The following MMP20 variants were observed in gnomAD, a reference collection of about 807,000 sequenced individuals.
MMP20 encodes the protein matrix metallopeptidase 20, also known as matrix metalloproteinase-20.
Under a neutral mutation model 51.8 loss-of-function variants are expected in MMP20, and 50 were observed. The observed-to-expected ratio is 0.97, with a 90% CI of 0.77 to 1.22. MMP20 has a LOEUF of 1.22. MMP20 is among the 50% of genes most tolerant of loss of function. The pLI, the probability that MMP20 is intolerant of heterozygous loss-of-function variation, is 0.00. For missense variants in MMP20, 663 were observed against 601.4 expected (o/e 1.10, Z -1.07); for synonymous variants, 244 against 216.2 (o/e 1.13, Z -1.13).
intron 7 of MMP20, 40 bp from the exon 8 acceptor site, chr11:102,593,635 C>G: frequency 6.2e-7 from 1 of 1,607,630 alleles, no homozygotes; most frequent in East Asian, 2.2e-5. Flanking sequence ...CTCTGCACCA[C>G]TTGGTGATGC....
intron 9 of MMP20, 119 bp downstream of exon 9, chr11:102,578,920 A>G: frequency 1.3e-6 from 1 of 755,814 alleles, no homozygotes; most frequent in Non-Finnish European, 2.4e-6. Flanking sequence ...GAAAGGACCT[A>G]AGACCAAATA....
chr11:102,579,620 G>A (rs1299908313), intron 8 of MMP20, among the ~76,000 whole-genome samples: 3 of 152,116 alleles, frequency 2.0e-5, no homozygotes, highest in Admixed American at 2.0e-4. Context: ...GGCCCTTGTT[G>A]TTTAAATCGG....
At chr11:102,578,509 C>T (rs1343370421) in intron 9 of MMP20, among the ~76,000 whole-genome samples, 1 of 152,110 alleles carries the variant, frequency 6.6e-6, no homozygotes, top group African/African-American at 2.4e-5. Flanking sequence ...GCTGACTAAT[C>T]GATTGAAGCT....
At position 102,616,810 on chromosome 11, in the gene MMP20, A is replaced by G; in HGVS notation, c.374+2T>C. On this transcript the variant is annotated splice_donor_variant, in intron 2 of 9. Transcript: ENST00000260228. LOFTEE classifies it high-confidence loss of function. ...GAATTTGGAAAGACTTGATCTCATTACCTGTATGTCAAAGTATTTTTTTTC... is the reference window on the plus strand; with the variant it reads ...GAATTTGGAAAGACTTGATCTCATTGCCTGTATGTCAAAGTATTTTTTTTC... 1.9e-6 allele frequency: 3 copies of G among 1,614,166 alleles called. No individual in the cohort carries two copies. Among genetic ancestry groups the G allele is most frequent in the Non-Finnish European group, 2.5e-6 (3 of 1,180,012 alleles).
chr11:102,624,663 A>G (rs2135951624), intron 1 of MMP20, among the ~76,000 whole-genome samples: 1 of 152,172 alleles, frequency 6.6e-6, no homozygotes, highest in African/African-American at 2.4e-5. Flanking sequence ...CTTTAGGGAG[A>G]AAAGGCCTTC....
chr11:102,595,460 T>C (rs1323976011), intron 6 of MMP20, among the ~76,000 whole-genome samples: 1 of 152,256 alleles, frequency 6.6e-6, no homozygotes, highest in Non-Finnish European at 1.5e-5. Context: ...CCTTTTCTGA[T>C]CTTTTAAAAG....
chr11:102,594,904 T>A, intron 6 of MMP20, 147 bp from the exon 7 acceptor site: 4 of 849,508 alleles, frequency 4.7e-6, no homozygotes, highest in Non-Finnish European at 6.5e-6. Context: ...TTTTTTTCTC[T>A]TTTCTTTTTT....
At chr11:102,586,609 C>G (rs890670239) in intron 8 of MMP20, among the ~76,000 whole-genome samples, 1 of 151,900 alleles carries the variant, frequency 6.6e-6, no homozygotes, top group African/African-American at 2.4e-5. Context: ...GTCAGGAGAT[C>G]GAGACCATCC....
chr11:102,624,351 T>C (rs1210622646), intron 1 of MMP20, among the ~76,000 whole-genome samples: 2 of 147,834 alleles, frequency 1.4e-5, no homozygotes. Context: ...CATCCATTTC[T>C]TTAGGTTAAG....
chr11:102,592,652 C>G (rs1199381282), intron 8 of MMP20, among the ~76,000 whole-genome samples: 2 of 152,202 alleles, frequency 1.3e-5, no homozygotes. Context: ...CCTAAGGTGT[C>G]TAGCATTGTC....
At chr11:102,618,267 G>A (rs756547234) in intron 1 of MMP20, among the ~76,000 whole-genome samples, 3 of 151,730 alleles carry the variant, frequency 2.0e-5, no homozygotes, top group Non-Finnish European at 4.4e-5. Context: ...TGGATACAGA[G>A]CACTGATTGT....
intron 1 of MMP20, among the ~76,000 whole-genome samples, chr11:102,624,501 T>C (rs569750287): frequency 1.3e-5 from 2 of 149,744 alleles, no homozygotes; most frequent in East Asian, 3.9e-4. Context: ...ATATGGATCA[T>C]TTCTATCAGA....
rs767412802 is a variant in MMP20 at position 102,610,007 on chromosome 11, C to A, written c.547G>T (p.Asp183Tyr). ...TGGGCTAGAGTCCCCCGAGGCCCAT[C>A]GAATGGATAGGAATCCCCGTGATCT... ...NGDHGDSYPF[D>Y]GPRGTLAHAF... Residue 183 changes from aspartate (D) to tyrosine (Y), a missense_variant, in exon 4 of 10, where the codon GAT (aspartate) becomes TAT (tyrosine). Coordinates refer to ENST00000260228, the MANE Select transcript of MMP20 (RefSeq NM_004771.4). 2 of 1,613,926 alleles carry A rather than the reference C, an allele frequency of 1.2e-6. No individual in the cohort carries two copies. The highest frequency in any genetic ancestry group is 2.7e-5 in the African/African-American group (2 of 74,872).
intron 8 of MMP20, among the ~76,000 whole-genome samples, chr11:102,584,595 G>C (rs1034745923): frequency 3.3e-5 from 5 of 152,128 alleles, no homozygotes; most frequent in African/African-American, 1.2e-4. Context: ...TTTGTTGATA[G>C]TGTACTGTGA....
At chr11:102,583,795 T>A (rs1338072103) in intron 8 of MMP20, among the ~76,000 whole-genome samples, 1 of 152,208 alleles carries the variant, frequency 6.6e-6, no homozygotes, top group Non-Finnish European at 1.5e-5. Context: ...CTCCACATCC[T>A]CATCCCCCAT....
rs553069565 is a variant in MMP20 at position 102,600,032 on chromosome 11, T to C, written c.954-5275A>G. Among the ~76,000 whole-genome samples, 6 of 152,322 alleles carry C rather than the reference T, an allele frequency of 3.9e-5. No homozygotes were observed. The East Asian group carries it at 9.6e-4, about 24-fold the overall frequency. On this transcript the variant is annotated intron_variant, in intron 6 of 9. Coordinates refer to ENST00000260228, the MANE Select transcript of MMP20 (RefSeq NM_004771.4). ...TCAGAATCAGGTGGTTCAGAAGAAA[T>C]GACAATGAGTCAGGGATGTTACTTC...
intron 6 of MMP20, among the ~76,000 whole-genome samples, chr11:102,598,846 T>C (rs1419835812): frequency 1.3e-5 from 2 of 152,162 alleles, no homozygotes; most frequent in Non-Finnish European, 2.9e-5. Context: ...CATCAGACTT[T>C]CATTTTCAGG....
chr11:102,614,339 A>C lies in MMP20; in HGVS notation c.375-2436T>G, dbSNP rs146073312. 9.2e-5 allele frequency among the ~76,000 whole-genome samples: 14 copies of C among 152,208 alleles called. No individual in the cohort carries two copies. In the East Asian group the frequency reaches 2.7e-3, roughly 29 times the overall value. ...GTGATAGCCTCTAGTGTCCTTTTTC[A>C]TGGGGAGGCGATGGTAGAGTTATTG... On this transcript the variant is annotated intron_variant, in intron 2 of 9. Transcript: ENST00000260228.
intron 1 of MMP20, among the ~76,000 whole-genome samples, chr11:102,620,528 C>A (rs1859736561): frequency 6.6e-6 from 1 of 151,974 alleles, no homozygotes; most frequent in Non-Finnish European, 1.5e-5. Context: ...ATTTTTGGGT[C>A]AATTATCAGG....
Sources: gnomAD v4.1 joint callset for allele counts (sites outside exome capture counted in the v4.1 genomes callset) on GRCh38, gnomAD v4.1.1 for gene constraint, MANE v1.5 for transcripts, NCBI Gene and HGNC (gene_info 2026-07-23, HGNC 2026-07-21) for gene names.